PGBD5: variants seen among roughly 807,000 people sequenced by gnomAD.
PGBD5 encodes piggyBac transposable element-derived protein 5.
PGBD5 carries 14 observed loss-of-function variants against 47.9 expected under a neutral mutation model. The observed-to-expected ratio is 0.29, with a 90% CI of 0.19 to 0.46. The LOEUF is 0.46. Ranked by LOEUF, PGBD5 falls within the 20% of genes least tolerant of loss-of-function variation. The probability of loss-of-function intolerance (pLI) is 1.00; values close to 1 mark genes in which losing one functional copy is unlikely to be tolerated. For synonymous variants in PGBD5, 316 were observed against 306.3 expected (o/e 1.03, Z -0.33); for missense variants, 635 against 716.0 (o/e 0.89, Z 1.29).
At chr1:230,360,922 G>A (rs986764375) in intron 1 of PGBD5, among the ~76,000 whole-genome samples, 5 of 152,104 alleles carry the variant, frequency 3.3e-5, no homozygotes, top group East Asian at 1.9e-4. Context: ...CAACATCTAC[G>A]TGAGGCATCA....
intron 5 of PGBD5, among the ~76,000 whole-genome samples, chr1:230,326,418 T>G (rs1667118684): frequency 6.6e-6 from 1 of 152,160 alleles, no homozygotes; most frequent in African/African-American, 2.4e-5. Flanking sequence ...AAACTCCATC[T>G]CAAAATGAAA....
intron 3 of PGBD5, among the ~76,000 whole-genome samples, chr1:230,349,522 C>A (rs1667528309): frequency 9.6e-6 from 1 of 104,662 alleles, no homozygotes; most frequent in Non-Finnish European, 1.7e-5. Flanking sequence ...GTGACAGAGT[C>A]AGACCCCGTC....
At position 230,425,737 on chromosome 1, in the gene PGBD5, G is replaced by C. The variant is rs1403787783; in HGVS notation, c.192C>G (p.Arg64=). ...SSSAASSDDE[R]EPPGPPGAAP... ...CGGCCCCTGGGGGTCCCGGGGGCTC[G>C]CGCTCGTCGTCCGAGGAGGCGGCCG... Residue 64 remains arginine, a synonymous_variant, in exon 1 of 7, where the codon CGC becomes CGG. Transcript: ENST00000391860. This position sits in a 1 kb window ranked among gnomAD's most constrained non-coding sequence, Gnocchi z 4.7. The C allele has an allele frequency of 1.6e-6, 2 of 1,212,324 alleles. No homozygotes were observed. Among genetic ancestry groups the C allele is most frequent in the Non-Finnish European group, 2.0e-6 (2 of 975,624 alleles). The allele number at this position is 1,212,324 out of a possible 1,614,324, so 75.1% of individuals were successfully genotyped here.
chr1:230,357,674 G>A lies in PGBD5; in HGVS notation c.332-353C>T, dbSNP rs560175474. On this transcript the variant is annotated intron_variant, in intron 1 of 6. Coordinates refer to ENST00000391860, the MANE Select transcript of PGBD5 (RefSeq NM_001258311.2). The surrounding 1 kb of genome is among the most constrained non-coding windows in gnomAD (Gnocchi z 5.7). Reference sequence around the variant, plus strand: ...GACAGCCCTCGGGGGGCGCAGTCACGTGGAATCCCTGCTCTCCAGAACCCG... The same window carrying A: ...GACAGCCCTCGGGGGGCGCAGTCACATGGAATCCCTGCTCTCCAGAACCCG... 4.6e-5 allele frequency among the ~76,000 whole-genome samples: 7 copies of A among 152,152 alleles called. No individual in the cohort carries two copies. The highest frequency in any genetic ancestry group is 2.0e-4 in the Admixed American group (3 of 15,284).
chr1:230,369,964 G>T (rs1042727663), intron 1 of PGBD5, among the ~76,000 whole-genome samples: 2 of 152,212 alleles, frequency 1.3e-5, no homozygotes, highest in African/African-American at 4.8e-5. Flanking sequence ...GGAAAGGAGA[G>T]AAATAATGCA....
At chr1:230,326,226 T>C (rs1213398868) in intron 5 of PGBD5, among the ~76,000 whole-genome samples, 2 of 152,224 alleles carry the variant, frequency 1.3e-5, no homozygotes, top group African/African-American at 2.4e-5. Context: ...GAGATTAGCC[T>C]GGCCAACATG....
intron 2 of PGBD5, among the ~76,000 whole-genome samples, chr1:230,354,769 G>T (rs937189538): frequency 2.6e-5 from 4 of 152,170 alleles, no homozygotes; most frequent in Non-Finnish European, 5.9e-5. Context: ...CTCTTCGGCT[G>T]CCCTGCTAGA....
At chr1:230,332,023 C>CACACCACACCCACCAT (rs1553281531) in intron 5 of PGBD5, among the ~76,000 whole-genome samples, 1 of 146,894 alleles carries the variant, frequency 6.8e-6, no homozygotes. Flanking sequence ...ACACCACACA[C>CACACCACACCCACCAT]ACCACACACA....
At position 230,315,931 on chromosome 1, in the gene PGBD5, CATAT is replaced by C. The variant is rs778985674; in HGVS notation, c.*7490_*7493del. 8.3e-6 allele frequency: 1 copy of C among 120,370 alleles called. No homozygotes were observed. Among genetic ancestry groups the C allele is most frequent in the Non-Finnish European group, 1.8e-5 (1 of 55,092 alleles). The allele number at this position is 120,370 out of a possible 1,614,324, so 7.5% of individuals were successfully genotyped here. On this transcript the variant is annotated 3_prime_UTR_variant, in exon 7 of 7. Transcript: ENST00000391860. ...ATATGTATATGTGTATATGTGTACA[CATAT>C]ATGTATGTGTATACATACATAAGTA...
intron 3 of PGBD5, among the ~76,000 whole-genome samples, chr1:230,345,357 G>T (rs1667460317): frequency 6.6e-6 from 1 of 152,142 alleles, no homozygotes; most frequent in African/African-American, 2.4e-5. Context: ...GCTCAATTAG[G>T]TGGCTTTCCC....
chr1:230,369,567 C>A (rs58004662), intron 1 of PGBD5, among the ~76,000 whole-genome samples: 3,153 of 152,276 alleles, frequency 0.021, 89 homozygotes, highest in African/African-American at 0.071. Context: ...CTGATTGACC[C>A]CACACACCTG....
chr1:230,387,658 T>TA, intron 1 of PGBD5, among the ~76,000 whole-genome samples: 1 of 152,134 alleles, frequency 6.6e-6, no homozygotes, highest in Admixed American at 6.5e-5. Context: ...CCATGGCTTG[T>TA]AGAAGGGTGG....
chr1:230,408,929 G>T (rs1282306890), intron 1 of PGBD5, among the ~76,000 whole-genome samples: 1 of 151,964 alleles, frequency 6.6e-6, no homozygotes, highest in Non-Finnish European at 1.5e-5. Context: ...CCCACTAAAT[G>T]GAAGAAAAAA....
chr1:230,416,228 A>G (rs1326783285), intron 1 of PGBD5, among the ~76,000 whole-genome samples: 1 of 152,044 alleles, frequency 6.6e-6, no homozygotes, highest in Non-Finnish European at 1.5e-5. Flanking sequence ...AGAAATCCTC[A>G]TATTTGGTGG....
At chr1:230,362,807 T>C (rs1287303304) in intron 1 of PGBD5, among the ~76,000 whole-genome samples, 1 of 152,012 alleles carries the variant, frequency 6.6e-6, no homozygotes, top group Non-Finnish European at 1.5e-5. Context: ...GGGAGGAGCA[T>C]CTTTTCTGTG....
At chr1:230,354,034 A>G (rs1450750426) in intron 2 of PGBD5, among the ~76,000 whole-genome samples, 1 of 152,202 alleles carries the variant, frequency 6.6e-6, no homozygotes, top group Admixed American at 6.5e-5. Flanking sequence ...GCCCACCCCA[A>G]CTGGAAAGCC....
intron 1 of PGBD5, among the ~76,000 whole-genome samples, chr1:230,411,783 A>G (rs1263856764): frequency 6.6e-6 from 1 of 152,222 alleles, no homozygotes; most frequent in Non-Finnish European, 1.5e-5. Flanking sequence ...TCCCAGGAAC[A>G]TAAGGGTACC....
chr1:230,392,501 A>C (rs1170116668), intron 1 of PGBD5, among the ~76,000 whole-genome samples: 1 of 152,174 alleles, frequency 6.6e-6, no homozygotes, highest in East Asian at 1.9e-4. Context: ...GTTATAAAGC[A>C]CCCGAGCTTT....
intron 1 of PGBD5, among the ~76,000 whole-genome samples, chr1:230,410,378 A>G (rs1285526024): frequency 2.0e-5 from 3 of 152,226 alleles, no homozygotes; most frequent in Non-Finnish European, 4.4e-5. Flanking sequence ...TCCCTCAAAT[A>G]AGAATATATA....
Sources: gnomAD v4.1 joint callset for allele counts (sites outside exome capture counted in the v4.1 genomes callset) on GRCh38, gnomAD v4.1.1 for gene constraint, Gnocchi (gnomAD v3.1) non-coding constraint, MANE v1.5 for transcripts, NCBI Gene and HGNC (gene_info 2026-07-23, HGNC 2026-07-21) for gene names.